The following SIL1 variants were observed in gnomAD, a reference collection of about 807,000 sequenced individuals.
SIL1 encodes nucleotide exchange factor SIL1.
A neutral mutation model predicts 49.1 loss-of-function variants in SIL1; 40 were observed. The observed-to-expected ratio is 0.81, with a 90% CI of 0.63 to 1.06. The LOEUF is 1.06. Among genes scored for constraint, SIL1 ranks in the 50% least tolerant of loss-of-function variants. The pLI is 0.00. For synonymous variants in SIL1, 253 were observed against 250.8 expected (o/e 1.01, Z -0.08); for missense variants, 500 against 572.6 (o/e 0.87, Z 1.29).
intron 1 of SIL1, among the ~76,000 whole-genome samples, chr5:139,192,223 C>CAAAAAAA (rs71574438): frequency 1.9e-5 from 2 of 107,156 alleles, no homozygotes; most frequent in African/African-American, 3.5e-5. Flanking sequence ...GACCCCATCT[C>CAAAAAAA]AAAAAAAAAA....
At chr5:139,054,259 A>C (rs1308211233) in intron 3 of SIL1, among the ~76,000 whole-genome samples, 1 of 152,148 alleles carries the variant, frequency 6.6e-6, no homozygotes, top group Non-Finnish European at 1.5e-5. Context: ...TAAAATAAAA[A>C]AATTAGCCAG....
chr5:138,995,012 C>T (rs1427331973), intron 7 of SIL1, among the ~76,000 whole-genome samples: 1 of 152,144 alleles, frequency 6.6e-6, no homozygotes, highest in African/African-American at 2.4e-5. Context: ...GCTTCGAGCT[C>T]CATTCATGTC....
At chr5:138,988,280 T>C (rs1444649647) in intron 7 of SIL1, among the ~76,000 whole-genome samples, 2 of 152,358 alleles carry the variant, frequency 1.3e-5, no homozygotes, top group Non-Finnish European at 2.9e-5. Context: ...GGAGGGAACA[T>C]GCTGCAGCCA....
chr5:139,050,181 A>C (rs1185577101), intron 4 of SIL1, among the ~76,000 whole-genome samples: 1 of 152,196 alleles, frequency 6.6e-6, no homozygotes, highest in Non-Finnish European at 1.5e-5. Flanking sequence ...CAAAGCAGGG[A>C]GCAGTCCCAA....
intron 3 of SIL1, among the ~76,000 whole-genome samples, chr5:139,056,760 GC>G (rs1348844607): frequency 1.3e-5 from 2 of 149,214 alleles, no homozygotes; most frequent in East Asian, 4.4e-4. Flanking sequence ...CTGCCTGCCC[GC>G]CCCTACTGGG....
At chr5:139,069,649 T>C (rs770238408) in intron 3 of SIL1, among the ~76,000 whole-genome samples, 4 of 152,142 alleles carry the variant, frequency 2.6e-5, no homozygotes, top group Admixed American at 2.6e-4. Context: ...AAACTATGTA[T>C]TGAAATAACA....
chr5:139,082,028 G>C (rs983328547), intron 3 of SIL1, among the ~76,000 whole-genome samples: 2 of 152,296 alleles, frequency 1.3e-5, no homozygotes, highest in African/African-American at 4.8e-5. Flanking sequence ...AAGAAATCTA[G>C]CATTACAAAT....
intron 7 of SIL1, among the ~76,000 whole-genome samples, chr5:138,959,682 C>A (rs1478902993): frequency 2.0e-5 from 3 of 152,222 alleles, no homozygotes; most frequent in Non-Finnish European, 4.4e-5. Context: ...ACTTTCCTGA[C>A]AATGCTCTAT....
rs140261577 is a variant in SIL1, at chr5:139,110,926, C to G, written c.244+10109G>C. Reference sequence around the variant, plus strand: ...CATACCCAGAGACAACCCAAGAGTCCCCAGAATGATCTGCCTATCATTCCT... The same window carrying G: ...CATACCCAGAGACAACCCAAGAGTCGCCAGAATGATCTGCCTATCATTCCT... On this transcript the variant is annotated intron_variant, in intron 3 of 9. Coordinates refer to ENST00000394817, the MANE Select transcript of SIL1 (RefSeq NM_022464.5). 6.6e-3 allele frequency among the ~76,000 whole-genome samples: 1,010 copies of G among 152,336 alleles called. 5 individuals are homozygous for G. Among genetic ancestry groups the G allele is most frequent in the Middle Eastern group, 0.014 (4 of 294 alleles).
chr5:139,027,128 A>C lies in SIL1; in HGVS notation c.454-136T>G, dbSNP rs116194884. The C allele has an allele frequency of 3.8e-3, 3,011 of 798,466 alleles. 53 individuals carry two copies. In the African/African-American group the frequency reaches 0.043, roughly 11 times the overall value. The allele number at this position is 798,466 out of a possible 1,614,324, so 49.5% of individuals were successfully genotyped here. A position where few individuals can be genotyped will look rare whatever the true frequency, so the allele number is the denominator to read the frequency against. On this transcript the variant is annotated intron_variant, in intron 5 of 9. Coordinates refer to ENST00000394817, the MANE Select transcript of SIL1 (RefSeq NM_022464.5). ...GTCTTCTCTCATCTATGCTATCAAA[A>C]ATACTAATACTTTCTAAGATGCCCA...
chr5:138,956,624 T>C (rs1766908022), intron 7 of SIL1, among the ~76,000 whole-genome samples: 1 of 151,606 alleles, frequency 6.6e-6, no homozygotes, highest in South Asian at 2.1e-4. Context: ...GCACCTGTAA[T>C]CTCAGCTACT....
chr5:139,170,591 C>T (rs1436162649), intron 1 of SIL1, among the ~76,000 whole-genome samples: 5 of 151,324 alleles, frequency 3.3e-5, no homozygotes, highest in African/African-American at 4.9e-5. Flanking sequence ...CGTCTCTGCC[C>T]GGCCGCCCCC....
chr5:139,172,234 G>A (rs917623128), intron 1 of SIL1, among the ~76,000 whole-genome samples: 16 of 152,110 alleles, frequency 1.1e-4, no homozygotes, highest in African/African-American at 1.9e-4. Flanking sequence ...TGAAAGACAC[G>A]AACATAAACA....
intron 3 of SIL1, among the ~76,000 whole-genome samples, chr5:139,085,579 G>A (rs960902541): frequency 1.3e-5 from 2 of 152,176 alleles, no homozygotes; most frequent in African/African-American, 4.8e-5. Flanking sequence ...GACTAGGCTG[G>A]GAGAAAGGAA....
chr5:139,118,744 C>A (rs1750536856), intron 3 of SIL1, among the ~76,000 whole-genome samples: 1 of 152,180 alleles, frequency 6.6e-6, no homozygotes. Context: ...TGGTTGAAGG[C>A]AAGTGCCAGC....
rs141675889 is a variant in SIL1, at chr5:139,166,903, A to G, written c.-11+31366T>C. Among the ~76,000 whole-genome samples, 1,266 of 152,176 alleles carry G rather than the reference A, an allele frequency of 8.3e-3. 20 individuals carry two copies. The highest frequency in any genetic ancestry group is 0.029 in the African/African-American group (1,202 of 41,518). ...AGCTCACTGCAAGCTCTGCCTCCCA[A>G]GTGCATACCATTCTCCTGCCTCAGC... On this transcript the variant is annotated intron_variant, in intron 1 of 9. Coordinates refer to ENST00000394817, the MANE Select transcript of SIL1 (RefSeq NM_022464.5).
intron 3 of SIL1, among the ~76,000 whole-genome samples, chr5:139,097,451 AC>A (rs1256538800): frequency 6.6e-6 from 1 of 152,046 alleles, no homozygotes; most frequent in Non-Finnish European, 1.5e-5. Context: ...CAGTAAAGAT[AC>A]AAAATCAACA....
chr5:139,143,340 C>T (rs930392760), intron 1 of SIL1, among the ~76,000 whole-genome samples: 5,858 of 84,348 alleles, frequency 0.069, 204 homozygotes, highest in Middle Eastern at 0.13. Context: ...CACACACACA[C>T]ACACATATAT....
At position 138,984,354 on chromosome 5, in the gene SIL1, G is replaced by GTT. The variant is rs772380838; in HGVS notation, c.768-32472_768-32471dup. Among the ~76,000 whole-genome samples, 930 of 135,606 alleles carry GTT rather than the reference G, an allele frequency of 6.9e-3. 5 individuals are homozygous for GTT. The highest frequency in any genetic ancestry group is 0.011 in the Non-Finnish European group (679 of 62,452). 89.0% of individuals were successfully genotyped at this position (135,606 alleles called of 152,430 possible). A position where few individuals can be genotyped will look rare whatever the true frequency, so the allele number is the denominator to read the frequency against. The stretch of plus-strand genomic sequence containing the variant: ...GGTGTTTTTTTTTTTGTTTGCTTTT[G>GTT]TTTTTTTTTTTTTGAGACAGAGTCT... On this transcript the variant is annotated intron_variant, in intron 7 of 9. Transcript: ENST00000394817.
Sources: gnomAD v4.1 joint callset for allele counts (sites outside exome capture counted in the v4.1 genomes callset) on GRCh38, gnomAD v4.1.1 for gene constraint, MANE v1.5 for transcripts, NCBI Gene and HGNC (gene_info 2026-07-23, HGNC 2026-07-21) for gene names.